NRXN3: variants seen among roughly 807,000 people sequenced by gnomAD.
NRXN3 encodes the protein neurexin 3, also known as neurexin III.
NRXN3 carries 32 observed loss-of-function variants against 137.6 expected under a neutral mutation model. The observed-to-expected ratio is 0.23, with a 90% CI of 0.18 to 0.31. The LOEUF is 0.31. Ranked by LOEUF, NRXN3 falls within the 10% of genes least tolerant of loss-of-function variation. NRXN3 has a pLI of 1.00. For synonymous variants in NRXN3, 798 were observed against 784.5 expected (o/e 1.02, Z -0.29); for missense variants, 1,574 against 2,062.5 (o/e 0.76, Z 4.59).
At chr14:78,208,312 C>T (rs528086304) in intron 1 of NRXN3, among the ~76,000 whole-genome samples, 36 of 152,294 alleles carry the variant, frequency 2.4e-4, no homozygotes, top group Admixed American at 9.8e-4. Context: ...TTGACCTCTC[C>T]AAGCTCAAGT....
chr14:78,607,625 C>A (rs901454911), intron 4 of NRXN3, among the ~76,000 whole-genome samples: 1 of 151,994 alleles, frequency 6.6e-6, no homozygotes, highest in African/African-American at 2.4e-5. Context: ...ATTCTTGTGA[C>A]CTTATCATGG....
At chr14:79,106,120 T>A (rs1456385420) in intron 15 of NRXN3, among the ~76,000 whole-genome samples, 1 of 152,076 alleles carries the variant, frequency 6.6e-6, no homozygotes, top group Admixed American at 6.6e-5. Context: ...TCTTCTAGCC[T>A]CTTTTCTTCC....
chr14:79,094,975 AGAGAGTGTGTGTGT>A (rs1418751408), intron 15 of NRXN3, among the ~76,000 whole-genome samples: 2 of 88,720 alleles, frequency 2.3e-5, no homozygotes, highest in Non-Finnish European at 5.2e-5. Flanking sequence ...AGAGAGAGAG[AGAGAGTGTGTGTGT>A]GTGTGTGTGT....
At chr14:78,543,540 T>A (rs562244422) in intron 4 of NRXN3, among the ~76,000 whole-genome samples, 1 of 152,180 alleles carries the variant, frequency 6.6e-6, no homozygotes, top group African/African-American at 2.4e-5. Context: ...TAAATAAGCA[T>A]AGCATCTCTC....
chr14:79,096,391 T>C (rs2050338650), intron 15 of NRXN3, among the ~76,000 whole-genome samples: 2 of 152,142 alleles, frequency 1.3e-5, no homozygotes, highest in African/African-American at 2.4e-5. Flanking sequence ...ATTACAGGCA[T>C]GAGCCACCGT....
intron 15 of NRXN3, among the ~76,000 whole-genome samples, chr14:79,294,335 T>A (rs1414592873): frequency 6.6e-6 from 1 of 152,204 alleles, no homozygotes; most frequent in Non-Finnish European, 1.5e-5. Context: ...CAATATTAGA[T>A]ACAACACATG....
chr14:78,468,857 C>A (rs947596609), intron 4 of NRXN3, among the ~76,000 whole-genome samples: 1 of 152,054 alleles, frequency 6.6e-6, no homozygotes, highest in Middle Eastern at 3.2e-3. Flanking sequence ...CTCTGCCAGT[C>A]TTTGGTGTGG....
At chr14:78,506,044 A>AT (rs1470318429) in intron 4 of NRXN3, among the ~76,000 whole-genome samples, 2 of 152,142 alleles carry the variant, frequency 1.3e-5, no homozygotes, top group East Asian at 1.9e-4. Context: ...ATACCATATT[A>AT]TTAACTATGG....
chr14:78,745,875 C>T (rs1441825420), intron 8 of NRXN3, among the ~76,000 whole-genome samples: 1 of 152,176 alleles, frequency 6.6e-6, no homozygotes, highest in Non-Finnish European at 1.5e-5. Context: ...AGTTCCAAAT[C>T]ACAGTTCCAA....
intron 15 of NRXN3, among the ~76,000 whole-genome samples, chr14:79,338,953 C>A (rs190258383): frequency 2.0e-5 from 3 of 152,120 alleles, no homozygotes; most frequent in African/African-American, 7.2e-5. Flanking sequence ...TTTTGCAAAG[C>A]GCAACAGAAT....
At chr14:78,884,946 A>G (rs1218270441) in intron 10 of NRXN3, among the ~76,000 whole-genome samples, 1 of 136,400 alleles carries the variant, frequency 7.3e-6, no homozygotes, top group African/African-American at 2.5e-5. Context: ...TACCTGACAC[A>G]TAGGAAACAT....
chr14:78,903,992 C>T (rs1431679743), intron 10 of NRXN3, among the ~76,000 whole-genome samples: 1 of 151,994 alleles, frequency 6.6e-6, no homozygotes, highest in East Asian at 1.9e-4. Context: ...CCTTTGAGGC[C>T]AGGCACTTTA....
At chr14:79,396,429 C>A (rs762550589) in intron 15 of NRXN3, among the ~76,000 whole-genome samples, 4 of 152,076 alleles carry the variant, frequency 2.6e-5, no homozygotes, top group Non-Finnish European at 4.4e-5. Flanking sequence ...TTATGAGAAC[C>A]ACTTGCAGAG....
chr14:78,757,104 C>T (rs1254676458), intron 8 of NRXN3, among the ~76,000 whole-genome samples: 2 of 152,198 alleles, frequency 1.3e-5, no homozygotes, highest in African/African-American at 4.8e-5. Flanking sequence ...ATTTTCATAA[C>T]AATGATTAAA....
intron 16 of NRXN3, among the ~76,000 whole-genome samples, chr14:79,500,292 A>G (rs17109308): frequency 0.014 from 2,074 of 148,068 alleles, 84 homozygotes; most frequent in East Asian, 0.12. Flanking sequence ...ATGATCATTT[A>G]CCCAAATAAA....
In NRXN3 at chr14:79,529,809, C is replaced by A. The variant is rs143461809; in HGVS notation, c.3444+62407C>A. ...TGTATTTGAGTCAGTTTTCATCCCA[C>A]TGAATCTTTAGTCAAATCAAATAAA... On this transcript the variant is annotated intron_variant, in intron 16 of 20. Transcript: ENST00000335750. Among the ~76,000 whole-genome samples the A allele has an allele frequency of 3.9e-3, 601 of 152,280 alleles. 8 individuals carry two copies. The highest frequency in any genetic ancestry group is 0.013 in the African/African-American group (560 of 41,570).
intron 15 of NRXN3, among the ~76,000 whole-genome samples, chr14:79,224,578 T>C (rs1458645338): frequency 1.3e-5 from 2 of 152,122 alleles, no homozygotes; most frequent in African/African-American, 4.8e-5. Context: ...TTCAGAGTTA[T>C]GAATTATATT....
chr14:78,489,571 A>C (rs2095626839), intron 4 of NRXN3, among the ~76,000 whole-genome samples: 1 of 152,162 alleles, frequency 6.6e-6, no homozygotes, highest in Non-Finnish European at 1.5e-5. Context: ...ATGATTTCCA[A>C]GCCTCTTTCC....
At chr14:78,495,138 CGT>C (rs3036593) in intron 4 of NRXN3, among the ~76,000 whole-genome samples, 91,321 of 140,042 alleles carry the variant, frequency 0.65, 29,721 homozygotes, top group Middle Eastern at 0.75. Flanking sequence ...TGTGTGCGTG[CGT>C]GTGTGTGTGT....
Sources: gnomAD v4.1 joint callset for allele counts (sites outside exome capture counted in the v4.1 genomes callset) on GRCh38, gnomAD v4.1.1 for gene constraint, MANE v1.5 for transcripts, NCBI Gene and HGNC (gene_info 2026-07-23, HGNC 2026-07-21) for gene names.